DNHD1: variants seen among roughly 807,000 people sequenced by gnomAD.
DNHD1 encodes dynein heavy chain domain 1.
DNHD1 carries 383 observed loss-of-function variants against 458.1 expected under a neutral mutation model. That is an observed-to-expected ratio of 0.84 (90% CI 0.77 to 0.91). The LOEUF is 0.91. Among genes scored for constraint, DNHD1 ranks in the 40% least tolerant of loss-of-function variants. The probability of loss-of-function intolerance (pLI) is 0.00; values close to 1 mark genes in which losing one functional copy is unlikely to be tolerated. For synonymous variants in DNHD1, 2,203 were observed against 2,376.9 expected (o/e 0.93, Z 2.13); for missense variants, 5,336 against 5,866.1 (o/e 0.91, Z 2.95).
intron 14 of DNHD1, among the ~76,000 whole-genome samples, chr11:6,534,434 T>C (rs1250799361): frequency 6.6e-6 from 1 of 151,902 alleles, no homozygotes; most frequent in Admixed American, 6.6e-5. Context: ...TCCATCAGAA[T>C]GTGATGGGGT....
chr11:6,564,371 C>A lies in DNHD1; in HGVS notation c.10323C>A (p.Thr3441=), dbSNP rs1187381113. 1.9e-6 allele frequency: 3 copies of A among 1,549,266 alleles called. No homozygotes were observed. Among genetic ancestry groups the A allele is most frequent in the African/African-American group, 2.7e-5 (2 of 72,986 alleles). Residue 3441 remains threonine, a synonymous_variant, in exon 32 of 43, where the codon ACC becomes ACA. Coordinates refer to ENST00000254579, the MANE Select transcript of DNHD1 (RefSeq NM_144666.3). ...KGRCMTVFGD[T]LLCSAAIIYL... is the part of the protein sequence containing the mutation. ...GCTGCATGACTGTGTTTGGAGATAC[C>A]CTCCTATGTTCAGCTGCCATCATCT...
At position 6,497,866 on chromosome 11, in the gene DNHD1, G is replaced by A. The variant is rs974731760; in HGVS notation, c.-350G>A. 8.8e-5 allele frequency: 24 copies of A among 273,810 alleles called. No homozygotes were observed. The Admixed American group carries it at 1.1e-3, about 13-fold the overall frequency. The allele number at this position is 273,810 out of a possible 1,614,324, so 17.0% of individuals were successfully genotyped here. ...CCAGGTGAGGGGGACAGGGTACTGG[G>A]AGGTAAGAAGGAACTCTTCTGCAAG... On this transcript the variant is annotated 5_prime_UTR_variant, in exon 3 of 43. Transcript: ENST00000254579.
chr11:6,504,388 G>A (rs921093988), intron 4 of DNHD1, among the ~76,000 whole-genome samples: 10 of 152,188 alleles, frequency 6.6e-5, no homozygotes, highest in African/African-American at 2.4e-4. Context: ...TTGCTGCTTC[G>A]TTTGCTTGCT....
rs1214013056 is a variant in DNHD1 at position 6,571,198 on chromosome 11, G to C, written c.13686G>C (p.Leu4562Phe). The change falls in exon 42 of 43, where the codon TTG (leucine) becomes TTC (phenylalanine). Residue 4562 changes from leucine (L) to phenylalanine (F), a missense_variant. Coordinates refer to ENST00000254579, the MANE Select transcript of DNHD1 (RefSeq NM_144666.3). This position sits in a 1 kb window ranked among gnomAD's most constrained non-coding sequence, Gnocchi z 5.0. The stretch of plus-strand genomic sequence containing the variant: ...AGTTGTCGCGCCGTGGGCAACTGTT[G>C]GTTCGTTACTTGGGCGTGGGCGCGG... The part of the protein sequence containing the change: ...LRQLSRRGQL[L>F]VRYLGVGADA... The C allele has an allele frequency of 6.2e-7, 1 of 1,605,884 alleles. No individual in the cohort carries two copies.
chr11:6,565,574 A>G (rs1409222080), intron 32 of DNHD1, 121 bp from the exon 33 acceptor site: 2 of 1,121,160 alleles, frequency 1.8e-6, no homozygotes, highest in Non-Finnish European at 2.5e-6. Context: ...AGCTTAAGCA[A>G]CTTTCCTAAG....
At chr11:6,539,185 G>T in intron 16 of DNHD1, 34 bp from the exon 17 acceptor site, 1 of 1,424,984 alleles carries the variant, frequency 7.0e-7, no homozygotes, top group Non-Finnish European at 9.7e-7. Flanking sequence ...GCCACATACT[G>T]GGTGTTGCTC....
chr11:6,534,949 G>A (rs1172230005), intron 14 of DNHD1, among the ~76,000 whole-genome samples: 1 of 152,128 alleles, frequency 6.6e-6, no homozygotes, highest in African/African-American at 2.4e-5. Context: ...GACTCACTTT[G>A]TTGCTCAGGC....
At chr11:6,538,891 T>A in intron 16 of DNHD1, 81 bp downstream of exon 16, 4 of 1,300,044 alleles carry the variant, frequency 3.1e-6, no homozygotes, top group Non-Finnish European at 4.1e-6. Context: ...TTCCTGCTGC[T>A]CCTGCTGGAA....
intron 18 of DNHD1, 27 bp from the exon 19 acceptor site, chr11:6,544,094 C>T: frequency 6.5e-7 from 1 of 1,543,552 alleles, no homozygotes; most frequent in Non-Finnish European, 8.8e-7. Context: ...CCTCATCTGA[C>T]TGCCAGTTCA....
chr11:6,565,735 G>A lies in DNHD1; in HGVS notation c.10797G>A (p.Thr3599=), dbSNP rs980697868. 1.2e-5 allele frequency: 18 copies of A among 1,550,668 alleles called. No homozygotes were observed. Among genetic ancestry groups the A allele is most frequent in the Middle Eastern group, 1.7e-4 (1 of 5,992 alleles). Residue 3599 remains threonine, a synonymous_variant, in exon 33 of 43, where the codon ACG becomes ACA. Transcript: ENST00000254579. ...LMRNQKRESK[T]DMKEEDDESE... ...GAAATCAAAAGAGAGAGAGTAAAAC[G>A]GACATGAAAGAGGAAGATGATGAGA...
In DNHD1 at chr11:6,565,737, A is replaced by G. The variant is rs1853680244; in HGVS notation, c.10799A>G (p.Asp3600Gly). 6.4e-7 allele frequency: 1 copy of G among 1,550,836 alleles called. No homozygotes were observed. Among genetic ancestry groups the G allele is most frequent in the Non-Finnish European group, 8.7e-7 (1 of 1,146,910 alleles). ...AATCAAAAGAGAGAGAGTAAAACGG[A>G]CATGAAAGAGGAAGATGATGAGAGT... ...MRNQKRESKTDMKEEDDESEE... is the reference protein window; with the variant it reads ...MRNQKRESKTGMKEEDDESEE... The change falls in exon 33 of 43, where the codon GAC (aspartate) becomes GGC (glycine). Residue 3600 changes from aspartate (D) to glycine (G), a missense_variant. Asp to Gly is a moderately conservative substitution (Grantham distance 94). Around this residue, in one of 4 missense-constraint regions of DNHD1, gnomAD observed 695 missense variants for 804.2 expected, o/e 0.86. Transcript: ENST00000254579.
Position 6,546,976 on chromosome 11 carries a change from G to T in DNHD1, c.6037G>T (p.Ala2013Ser). The change falls in exon 21 of 43, where the codon GCA (alanine) becomes TCA (serine). Residue 2013 changes from alanine (A) to serine (S), a missense_variant. Transcript: ENST00000254579. ...HSLFKIQNRLAAMEDTSTQGC... is the reference protein window; with the variant it reads ...HSLFKIQNRLSAMEDTSTQGC... ...CTTATTTAAGATCCAGAATCGGCTG[G>T]CAGCCATGGAGGACACCTCAACCCA... The T allele has an allele frequency of 6.4e-7, 1 of 1,551,506 alleles. No individual in the cohort carries two copies. The highest frequency in any genetic ancestry group is 8.7e-7 in the Non-Finnish European group (1 of 1,146,968).
chr11:6,528,462 G>A (rs1852759891), intron 10 of DNHD1, 60 bp from the exon 11 acceptor site: 2 of 1,479,784 alleles, frequency 1.4e-6, no homozygotes, highest in African/African-American at 2.8e-5. Context: ...AAGGAGAAAG[G>A]AAGATTGTTT....
intron 24 of DNHD1, among the ~76,000 whole-genome samples, chr11:6,552,656 G>A (rs1301193247): frequency 2.0e-5 from 3 of 151,898 alleles, no homozygotes; most frequent in East Asian, 3.9e-4. Context: ...GTTGGCGGGG[G>A]CGGGGTGGGG....
Position 6,567,771 on chromosome 11 carries a change from A to G in DNHD1, c.12262A>G (p.Met4088Val). Reference protein sequence around the residue: ...PFKHSQATQPMLILLPPPGHP... With the variant: ...PFKHSQATQPVLILLPPPGHP... ...TAAACATAGTCAGGCTACTCAGCCC[A>G]TGCTGATCTTGTTGCCACCGCCTGG... Residue 4088 changes from methionine to valine, a missense_variant, in exon 36 of 43, where the codon ATG (methionine) becomes GTG (valine). Transcript: ENST00000254579. The G allele has an allele frequency of 4.3e-6, 7 of 1,613,954 alleles. No individual in the cohort carries two copies. The highest frequency in any genetic ancestry group is 5.9e-6 in the Non-Finnish European group (7 of 1,179,888).
At position 6,567,204 on chromosome 11, in the gene DNHD1, C is replaced by G; in HGVS notation, c.11695C>G (p.His3899Asp). ...CAGCATGAAGCCACGTGAGATTAATCACGGGGAGGACCTGGCCAGCCATCT... is the reference window on the plus strand; with the variant it reads ...CAGCATGAAGCCACGTGAGATTAATGACGGGGAGGACCTGGCCAGCCATCT... ...LDSMKPREIN[H>D]GEDLASHLLQ... Residue 3899 changes from histidine to aspartate, a missense_variant, in exon 36 of 43, where the codon CAC (histidine) becomes GAC (aspartate). By Grantham distance (81) the His-to-Asp change is moderately conservative (BLOSUM62 -1). Around this residue, in one of 4 missense-constraint regions of DNHD1, gnomAD observed 695 missense variants for 804.2 expected, o/e 0.86. Transcript: ENST00000254579. 1 of 1,614,026 alleles carries G rather than the reference C, an allele frequency of 6.2e-7. No homozygotes were observed. The highest frequency in any genetic ancestry group is 1.1e-5 in the South Asian group (1 of 91,086).
chr11:6,510,276 G>A (rs530222729), intron 6 of DNHD1, among the ~76,000 whole-genome samples: 1 of 152,070 alleles, frequency 6.6e-6, no homozygotes, highest in Admixed American at 6.5e-5. Context: ...GTAGAGATAA[G>A]GTTTCGCCAT....
chr11:6,567,897 C>A, intron 36 of DNHD1, 37 bp downstream of exon 36: 1 of 1,555,814 alleles, frequency 6.4e-7, no homozygotes, highest in South Asian at 1.2e-5. Context: ...AGTGACCAGG[C>A]TCCTGTGGGC....
chr11:6,530,662 C>T (rs61095620), intron 12 of DNHD1, among the ~76,000 whole-genome samples: 7,835 of 152,190 alleles, frequency 0.051, 693 homozygotes, highest in African/African-American at 0.18. Flanking sequence ...CTTGCTTCGC[C>T]TTCCCTGTCT....
Sources: allele counts gnomAD v4.1 joint callset (sites outside exome capture counted in the v4.1 genomes callset), GRCh38; gene constraint gnomAD v4.1.1; regional missense constraint gnomAD v4.1.1; non-coding constraint Gnocchi (gnomAD v3.1); transcripts MANE v1.5; gene names NCBI Gene and HGNC (gene_info 2026-07-23, HGNC 2026-07-21).